The following CACNA2D3 variants were observed in gnomAD, a reference collection of about 807,000 sequenced individuals.
The protein encoded by CACNA2D3 is calcium voltage-gated channel auxiliary subunit alpha2delta 3.
Under a neutral mutation model 160.6 loss-of-function variants are expected in CACNA2D3, and 60 were observed. That is an observed-to-expected ratio of 0.37 (90% CI 0.30 to 0.46). The LOEUF (loss-of-function observed/expected upper bound fraction) is 0.46. Among genes scored for constraint, CACNA2D3 ranks in the 20% least tolerant of loss-of-function variants. The probability of loss-of-function intolerance (pLI) is 1.00; values close to 1 mark genes in which losing one functional copy is unlikely to be tolerated. For missense variants in CACNA2D3, 1,205 were observed against 1,365.0 expected (o/e 0.88, Z 1.85); for synonymous variants, 558 against 492.9 (o/e 1.13, Z -1.75).
chr3:54,357,925 G>A (rs1044869668), intron 3 of CACNA2D3, among the ~76,000 whole-genome samples: 1 of 152,170 alleles, frequency 6.6e-6, no homozygotes, highest in Non-Finnish European at 1.5e-5. Flanking sequence ...AAGCAGAGAC[G>A]AATAGAATAG....
chr3:54,701,406 C>A (rs528418431), intron 11 of CACNA2D3, among the ~76,000 whole-genome samples: 1 of 152,306 alleles, frequency 6.6e-6, no homozygotes, highest in Non-Finnish European at 1.5e-5. Flanking sequence ...CCCCTCCATC[C>A]TCTCTATATC....
At chr3:54,487,735 G>A (rs1016524679) in intron 4 of CACNA2D3, among the ~76,000 whole-genome samples, 1 of 152,224 alleles carries the variant, frequency 6.6e-6, no homozygotes, top group African/African-American at 2.4e-5. Flanking sequence ...TGGGCCTGTT[G>A]TTCAGTATGG....
At chr3:54,454,739 T>G (rs1700368103) in intron 4 of CACNA2D3, among the ~76,000 whole-genome samples, 1 of 152,162 alleles carries the variant, frequency 6.6e-6, no homozygotes, top group Non-Finnish European at 1.5e-5. Context: ...TAACCAACCT[T>G]TGGCTATCCA....
chr3:54,678,139 G>C (rs982921498), intron 11 of CACNA2D3, among the ~76,000 whole-genome samples: 2 of 152,180 alleles, frequency 1.3e-5, no homozygotes, highest in African/African-American at 4.8e-5. Context: ...CCCTGGGAAG[G>C]GAGGGAATAT....
At chr3:54,277,471 T>C (rs1702773814) in intron 2 of CACNA2D3, among the ~76,000 whole-genome samples, 1 of 152,196 alleles carries the variant, frequency 6.6e-6, no homozygotes, top group Non-Finnish European at 1.5e-5. Flanking sequence ...GCCTCCGTTC[T>C]GTTCCATTGG....
At chr3:55,018,175 T>A in intron 34 of CACNA2D3, 31 bp from the exon 35 acceptor site, 1 of 1,450,774 alleles carries the variant, frequency 6.9e-7, no homozygotes, top group Non-Finnish European at 9.6e-7. Flanking sequence ...CCTTGCATTC[T>A]TTACCTTTTT....
intron 3 of CACNA2D3, among the ~76,000 whole-genome samples, chr3:54,360,262 T>C (rs565191957): frequency 6.6e-6 from 1 of 152,346 alleles, no homozygotes; most frequent in East Asian, 1.9e-4. Context: ...GTGGATTGAT[T>C]TCGGTCAGGC....
chr3:54,784,916 AAG>A (rs1702606177), intron 13 of CACNA2D3, among the ~76,000 whole-genome samples: 1 of 152,180 alleles, frequency 6.6e-6, no homozygotes, highest in South Asian at 2.1e-4. Context: ...AAAGGCCTCC[AAG>A]AGTGGTTTTT....
At chr3:54,619,017 A>G (rs531220031) in intron 9 of CACNA2D3, among the ~76,000 whole-genome samples, 1 of 152,392 alleles carries the variant, frequency 6.6e-6, no homozygotes, top group South Asian at 2.1e-4. Context: ...TAAAGGATAC[A>G]TGGAGACCTT....
At position 55,074,365 on chromosome 3, in the gene CACNA2D3, T is replaced by A; in HGVS notation, c.*159T>A. ...TTAAACTGTGCGTGATATAAACTCT[T>A]AAAGATATGTTGACAAAAAGTTATC... is the stretch of plus-strand genomic sequence containing the variant. On this transcript the variant is annotated 3_prime_UTR_variant, in exon 38 of 38. Coordinates refer to ENST00000474759, the MANE Select transcript of CACNA2D3 (RefSeq NM_018398.3). 1.6e-6 allele frequency: 1 copy of A among 613,862 alleles called. No homozygotes were observed. Among genetic ancestry groups the A allele is most frequent in the Non-Finnish European group, 2.9e-6 (1 of 346,386 alleles). 38.0% of individuals were successfully genotyped at this position (613,862 alleles called of 1,614,324 possible). A position where few individuals can be genotyped will look rare whatever the true frequency, so the allele number is the denominator to read the frequency against.
chr3:54,698,790 T>C (rs942486322), intron 11 of CACNA2D3, among the ~76,000 whole-genome samples: 16 of 152,206 alleles, frequency 1.1e-4, no homozygotes, highest in Non-Finnish European at 1.9e-4. Context: ...TATCTTATGA[T>C]GCATTTTATA....
intron 2 of CACNA2D3, among the ~76,000 whole-genome samples, chr3:54,219,317 C>T (rs1408244402): frequency 6.6e-6 from 1 of 152,210 alleles, no homozygotes; most frequent in African/African-American, 2.4e-5. Context: ...GGGCTTCCTA[C>T]CTCTCCCCCT....
intron 4 of CACNA2D3, among the ~76,000 whole-genome samples, chr3:54,423,268 A>T (rs1699865411): frequency 6.6e-6 from 1 of 152,184 alleles, no homozygotes; most frequent in South Asian, 2.1e-4. Context: ...TTTGGGGGTA[A>T]TCAAAATTGA....
intron 13 of CACNA2D3, among the ~76,000 whole-genome samples, chr3:54,814,434 C>T (rs987663885): frequency 6.6e-6 from 1 of 152,172 alleles, no homozygotes; most frequent in African/African-American, 2.4e-5. Flanking sequence ...GCCCCTAGGG[C>T]AGGGCCCTGC....
At chr3:54,964,899 C>G (rs934287870) in intron 27 of CACNA2D3, among the ~76,000 whole-genome samples, 1 of 151,864 alleles carries the variant, frequency 6.6e-6, no homozygotes, top group South Asian at 2.1e-4. Flanking sequence ...CCGTTACTCT[C>G]GATCCCTTAC....
intron 4 of CACNA2D3, among the ~76,000 whole-genome samples, chr3:54,462,002 A>G (rs1009634679): frequency 3.3e-5 from 5 of 152,186 alleles, no homozygotes; most frequent in African/African-American, 1.2e-4. Flanking sequence ...GTTTCAAAGA[A>G]CATCTTTATT....
intron 4 of CACNA2D3, among the ~76,000 whole-genome samples, chr3:54,403,847 A>G (rs1699522559): frequency 1.3e-5 from 2 of 152,188 alleles, no homozygotes; most frequent in South Asian, 2.1e-4. Context: ...TTCATAAGTA[A>G]CTATTAAGAA....
At chr3:54,547,062 G>A (rs2106676308) in intron 5 of CACNA2D3, among the ~76,000 whole-genome samples, 1 of 152,256 alleles carries the variant, frequency 6.6e-6, no homozygotes, top group African/African-American at 2.4e-5. Flanking sequence ...CATAAGCTGA[G>A]TCATTTGGTC....
At chr3:54,855,257 AC>A (rs1313169974) in intron 17 of CACNA2D3, among the ~76,000 whole-genome samples, 1 of 151,874 alleles carries the variant, frequency 6.6e-6, no homozygotes. Context: ...GACTGGCTGC[AC>A]CCCCTCTAAA....
Sources: gnomAD v4.1 joint callset for allele counts (sites outside exome capture counted in the v4.1 genomes callset) on GRCh38, gnomAD v4.1.1 for gene constraint, MANE v1.5 for transcripts, NCBI Gene and HGNC (gene_info 2026-07-23, HGNC 2026-07-21) for gene names.